Variants in BAZ1A observed in about 807,000 individuals in gnomAD.
The protein encoded by BAZ1A is bromodomain adjacent to zinc finger domain protein 1A.
In BAZ1A, 50 loss-of-function variants were observed where a neutral mutation model predicts 185.2. The observed-to-expected ratio is 0.27, with a 90% CI of 0.22 to 0.34. The LOEUF (loss-of-function observed/expected upper bound fraction) is 0.34. Ranked by LOEUF, BAZ1A falls within the 10% of genes least tolerant of loss-of-function variation. The pLI is 1.00. For missense variants in BAZ1A, 1,356 were observed against 1,839.9 expected (o/e 0.74, Z 4.81); for synonymous variants, 571 against 615.6 (o/e 0.93, Z 1.07).
At chr14:34,784,373 A>C (rs1373154541) in intron 14 of BAZ1A, among the ~76,000 whole-genome samples, 32 of 76,786 alleles carry the variant, frequency 4.2e-4, no homozygotes, top group Non-Finnish European at 7.0e-4. Context: ...GTCTCAAAAA[A>C]AAAAAAAAAA....
In BAZ1A at chr14:34,839,571, T is replaced by C. The variant is rs1407410602; in HGVS notation, c.393-13415A>G. Among the ~76,000 whole-genome samples, 14 of 140,434 alleles carry C rather than the reference T, an allele frequency of 1.0e-4. No individual in the cohort carries two copies. The East Asian group carries it at 2.2e-3, about 23-fold the overall frequency. 92.1% of individuals were successfully genotyped at this position (140,434 alleles called of 152,430 possible). ...AAAAAAAAAAAAAGTAGGCCAGGCG[T>C]GGTGGCTCACACCTGTAATCCCAGC... On this transcript the variant is annotated intron_variant, in intron 3 of 26. Transcript: ENST00000360310.
intron 3 of BAZ1A, among the ~76,000 whole-genome samples, chr14:34,833,910 A>C (rs1007385823): frequency 1.4e-4 from 22 of 152,182 alleles, no homozygotes; most frequent in African/African-American, 5.3e-4. Flanking sequence ...TTTTATTCTA[A>C]GAGAAAAGCT....
At chr14:34,768,087 C>G (rs1878969824) in intron 21 of BAZ1A, among the ~76,000 whole-genome samples, 1 of 152,126 alleles carries the variant, frequency 6.6e-6, no homozygotes, top group South Asian at 2.1e-4. Context: ...TGCTTTCCCC[C>G]CAGATTACAC....
intron 21 of BAZ1A, among the ~76,000 whole-genome samples, chr14:34,768,406 C>T (rs1054045010): frequency 6.6e-6 from 1 of 152,058 alleles, no homozygotes; most frequent in Non-Finnish European, 1.5e-5. Flanking sequence ...GTTCCACAGC[C>T]ATTCATTCTT....
chr14:34,768,151 C>A (rs1300458433), intron 21 of BAZ1A, among the ~76,000 whole-genome samples: 1 of 152,106 alleles, frequency 6.6e-6, no homozygotes, highest in African/African-American at 2.4e-5. Context: ...ATTATGCTAG[C>A]ACAGATAAAT....
In BAZ1A at chr14:34,753,097, A is replaced by G. The variant is rs1456852956; in HGVS notation, c.*411T>C. Reference sequence around the variant, plus strand: ...GAATGTACTCAAACAATTAATTAAGACATAAACACCTTTTCTAAACTGTGC... The same window carrying G: ...GAATGTACTCAAACAATTAATTAAGGCATAAACACCTTTTCTAAACTGTGC... On this transcript the variant is annotated 3_prime_UTR_variant, in exon 27 of 27. Coordinates refer to ENST00000360310, the MANE Select transcript of BAZ1A (RefSeq NM_013448.3). 1 of 158,762 alleles carries G rather than the reference A, an allele frequency of 6.3e-6. No individual in the cohort carries two copies. Among genetic ancestry groups the G allele is most frequent in the Non-Finnish European group, 1.4e-5 (1 of 71,970 alleles). 9.8% of individuals were successfully genotyped at this position (158,762 alleles called of 1,614,324 possible). A position where few individuals can be genotyped will look rare whatever the true frequency, so the allele number is the denominator to read the frequency against.
chr14:34,762,253 T>C, intron 23 of BAZ1A, 30 bp from the exon 24 acceptor site: 3 of 1,587,984 alleles, frequency 1.9e-6, no homozygotes, highest in Non-Finnish European at 2.6e-6. Flanking sequence ...ACACAATTAT[T>C]GTACAGAGCA....
chr14:34,816,987 C>A, intron 4 of BAZ1A: 1 of 196,242 alleles, frequency 5.1e-6, no homozygotes, highest in South Asian at 6.3e-5. Context: ...CATTACTGGG[C>A]CAATTCTTGA....
intron 3 of BAZ1A, among the ~76,000 whole-genome samples, chr14:34,832,191 T>TACACACACAC (rs57379319): frequency 2.8e-4 from 27 of 96,584 alleles, no homozygotes; most frequent in African/African-American, 6.8e-4. Context: ...TATATACATA[T>TACACACACAC]ACACACACAC....
intron 3 of BAZ1A, among the ~76,000 whole-genome samples, chr14:34,840,736 G>A (rs536069193): frequency 1.6e-3 from 248 of 151,436 alleles, no homozygotes; most frequent in Non-Finnish European, 2.9e-3. Context: ...CAGCCTGGGC[G>A]ACAGAGTGAG....
At chr14:34,844,205 CAAAAAAAAAAAAAAAA>C (rs71121227) in intron 3 of BAZ1A, among the ~76,000 whole-genome samples, 5 of 109,820 alleles carry the variant, frequency 4.6e-5, no homozygotes, top group African/African-American at 3.7e-5. Flanking sequence ...GACTCCGTCT[CAAAAAAAAAAAAAAAA>C]AAAAAAAAAA....
chr14:34,796,850 C>A (rs1200638601), intron 9 of BAZ1A, among the ~76,000 whole-genome samples: 1 of 152,194 alleles, frequency 6.6e-6, no homozygotes. Flanking sequence ...AAATTATCCA[C>A]CCCCAACCTC....
rs781149796 is a variant in BAZ1A at position 34,874,478 on chromosome 14, G to A, written c.113+14C>T. Reference sequence around the variant, plus strand: ...CCACACCCCCCGCGGCCCCGCACACGGCCCGGCTCTTACTCGTAGTGGCGG... The same window carrying A: ...CCACACCCCCCGCGGCCCCGCACACAGCCCGGCTCTTACTCGTAGTGGCGG... On this transcript the variant is annotated intron_variant, in intron 2 of 26. Coordinates refer to ENST00000360310, the MANE Select transcript of BAZ1A (RefSeq NM_013448.3). The surrounding 1 kb of genome is among the most constrained non-coding windows in gnomAD (Gnocchi z 4.7). 7 of 1,608,498 alleles carry A rather than the reference G, an allele frequency of 4.4e-6. No homozygotes were observed. The highest frequency in any genetic ancestry group is 1.1e-5 in the South Asian group (1 of 90,966).
chr14:34,759,948 TA>T (rs1483539024), intron 24 of BAZ1A, among the ~76,000 whole-genome samples: 2 of 152,238 alleles, frequency 1.3e-5, no homozygotes, highest in Admixed American at 6.5e-5. Flanking sequence ...GTGCTGGGAT[TA>T]CAGGTATGAG....
intron 3 of BAZ1A, among the ~76,000 whole-genome samples, chr14:34,856,586 G>A (rs1427364722): frequency 2.0e-5 from 3 of 151,980 alleles, no homozygotes; most frequent in African/African-American, 7.2e-5. Flanking sequence ...GGCCGGGTGC[G>A]GTGGCTCATA....
intron 4 of BAZ1A, among the ~76,000 whole-genome samples, chr14:34,816,080 CTT>C (rs35830800): frequency 3.8e-5 from 3 of 79,422 alleles, no homozygotes; most frequent in South Asian, 5.8e-4. Context: ...TATTCCAGAC[CTT>C]TTTTTTTTTT....
intron 25 of BAZ1A, among the ~76,000 whole-genome samples, chr14:34,758,108 C>T (rs1280138060): frequency 2.1e-5 from 3 of 142,864 alleles, no homozygotes; most frequent in Admixed American, 6.9e-5. Context: ...GAAGTGAGAC[C>T]CTGTCTCAAA....
intron 2 of BAZ1A, among the ~76,000 whole-genome samples, chr14:34,872,498 G>A (rs1264248200): frequency 5.4e-5 from 2 of 36,896 alleles, no homozygotes; most frequent in African/African-American, 1.1e-4. Context: ...GGCTAAGGTG[G>A]TAAGGTGGGG....
chr14:34,789,447 T>C (rs112679524), intron 12 of BAZ1A, among the ~76,000 whole-genome samples: 5 of 152,230 alleles, frequency 3.3e-5, no homozygotes, highest in Admixed American at 2.0e-4. Flanking sequence ...TGCTTAGTGA[T>C]AGTCACTTGG....
Sources: gnomAD v4.1 joint callset for allele counts (sites outside exome capture counted in the v4.1 genomes callset) on GRCh38, gnomAD v4.1.1 for gene constraint, Gnocchi (gnomAD v3.1) non-coding constraint, MANE v1.5 for transcripts, NCBI Gene and HGNC (gene_info 2026-07-23, HGNC 2026-07-21) for gene names.